Variants in DST observed in about 807,000 individuals in gnomAD.
The protein encoded by DST is bullous pemphigoid antigen.
Under a neutral mutation model 875.2 loss-of-function variants are expected in DST, and 253 were observed. The ratio of observed to expected loss-of-function variants is 0.29; its 90% CI spans 0.26 to 0.32. The LOEUF (loss-of-function observed/expected upper bound fraction) is 0.32. Among genes scored for constraint, DST ranks in the 10% least tolerant of loss-of-function variants. The pLI is 1.00. For missense variants in DST, 8,287 were observed against 9,111.6 expected (o/e 0.91, Z 3.68); for synonymous variants, 3,124 against 3,197.1 (o/e 0.98, Z 0.77).
chr6:56,953,475 C>T (rs1009369287), intron 2 of DST, among the ~76,000 whole-genome samples: 6 of 152,232 alleles, frequency 3.9e-5, no homozygotes, highest in Admixed American at 6.5e-5. Context: ...GAAAACACTT[C>T]CACCAGCAAA....
intron 15 of DST, among the ~76,000 whole-genome samples, chr6:56,644,381 T>A (rs2152785711): frequency 6.6e-6 from 1 of 152,316 alleles, no homozygotes; most frequent in East Asian, 1.9e-4. Context: ...CTCTCATATA[T>A]TTATTTTATG....
intron 4 of DST, among the ~76,000 whole-genome samples, chr6:56,777,293 A>C (rs1223931424): frequency 6.6e-6 from 1 of 152,136 alleles, no homozygotes; most frequent in Non-Finnish European, 1.5e-5. Flanking sequence ...AATAAGTTAG[A>C]TAGAAGGATA....
chr6:56,501,299 A>G (rs2096113873), intron 79 of DST, 64 bp from the exon 80 acceptor site: 1 of 1,472,386 alleles, frequency 6.8e-7, no homozygotes, highest in Non-Finnish European at 9.1e-7. Flanking sequence ...ATGTCTATAA[A>G]ACAAGGACAA....
chr6:56,609,186 C>T lies in DST; in HGVS notation c.5442G>A (p.Lys1814=), dbSNP rs751861592. The part of the protein sequence containing the change: ...ISGLISPELR[K]CFDLKDAKSH... ...TTTTGGCATCTTTAAGGTCAAAGCA[C>T]TTTCTTAATTCTGGTGAAATTAGAC... The change falls in exon 40 of 104, where the codon AAG becomes AAA. Residue 1814 remains lysine, a synonymous_variant. Transcript: ENST00000680361. The T allele has an allele frequency of 1.9e-6, 3 of 1,613,822 alleles. No homozygotes were observed. In the South Asian group the frequency reaches 3.3e-5, roughly 18 times the overall value.
chr6:56,677,219 C>T (rs887817816), intron 9 of DST, among the ~76,000 whole-genome samples: 18 of 152,104 alleles, frequency 1.2e-4, no homozygotes, highest in African/African-American at 4.3e-4. Context: ...CTTATCACAG[C>T]GCCGCCACAT....
intron 5 of DST, among the ~76,000 whole-genome samples, chr6:56,715,942 G>A (rs1399863834): frequency 6.6e-6 from 1 of 152,016 alleles, no homozygotes; most frequent in Admixed American, 6.6e-5. Context: ...TAACCATCTG[G>A]CCCTTCTTTG....
At chr6:56,672,937 G>A (rs1369568887) in intron 9 of DST, among the ~76,000 whole-genome samples, 7 of 152,144 alleles carry the variant, frequency 4.6e-5, no homozygotes, top group Admixed American at 3.9e-4. Flanking sequence ...ACGGTTCAGA[G>A]AAGCTAATCT....
In DST at chr6:56,822,803, ATTTAT is replaced by A. The variant is rs1164990671; in HGVS notation, c.625+28589_625+28593del. 1.1e-4 allele frequency among the ~76,000 whole-genome samples: 16 copies of A among 151,338 alleles called. No individual in the cohort carries two copies. In the East Asian group the frequency reaches 3.1e-3, roughly 29 times the overall value. ...ACTTTAAAAAAAAAGCTACACTATT[ATTTAT>A]TTATTTTTATTTTATTTTATTTATT... is the stretch of plus-strand genomic sequence containing the variant. On this transcript the variant is annotated intron_variant, in intron 4 of 103. Coordinates refer to ENST00000680361, the MANE Select transcript of DST (RefSeq NM_001374736.1).
intron 2 of DST, among the ~76,000 whole-genome samples, chr6:56,945,434 G>A (rs530697692): frequency 1.3e-5 from 2 of 152,180 alleles, no homozygotes; most frequent in African/African-American, 4.8e-5. Context: ...AGGGGTTTGG[G>A]GACTGGATGT....
chr6:56,526,337 A>C, intron 69 of DST, 24 bp downstream of exon 69: 3 of 1,611,444 alleles, frequency 1.9e-6, no homozygotes, highest in Non-Finnish European at 1.7e-6. Context: ...TTTATTGCCT[A>C]AACAACAAAC....
At chr6:56,689,253 T>C (rs2099210794) in intron 9 of DST, among the ~76,000 whole-genome samples, 1 of 152,102 alleles carries the variant, frequency 6.6e-6, no homozygotes, top group South Asian at 2.1e-4. Context: ...TATCCTCCTT[T>C]TATAGAAAAT....
chr6:56,487,419 T>G, intron 86 of DST, 146 bp from the exon 87 acceptor site: 1 of 698,270 alleles, frequency 1.4e-6, no homozygotes. Context: ...TTTTTTGACT[T>G]TACCATGGTA....
In DST at chr6:56,472,134, G is replaced by T; in HGVS notation, c.22083C>A (p.Ser7361Arg). 1 of 1,613,906 alleles carries T rather than the reference G, an allele frequency of 6.2e-7. No individual in the cohort carries two copies. The change falls in exon 94 of 104, where the codon AGC (serine) becomes AGA (arginine). Residue 7361 changes from serine (S) to arginine (R), a missense_variant. Ser to Arg is a moderately radical substitution (Grantham distance 110). Transcript: ENST00000680361. The part of the protein sequence containing the change: ...TKNPRVNLLV[S>R]KWQQVWLLAL... ...CCAGGAGCCAGACTTGCTGCCATTT[G>T]CTCACCAGTAAGTTTACCCTAGGAT...
At position 56,538,319 on chromosome 6, in the gene DST, G is replaced by T. The variant is rs77228588; in HGVS notation, c.16609-1379C>A. On this transcript the variant is annotated intron_variant, in intron 61 of 103. Coordinates refer to ENST00000680361, the MANE Select transcript of DST (RefSeq NM_001374736.1). ...TATGTTTTTAATATAGGGCTTGGAGGATGCCATGAGGAAAATAAATTATTG... is the reference window on the plus strand; with the variant it reads ...TATGTTTTTAATATAGGGCTTGGAGTATGCCATGAGGAAAATAAATTATTG... Among the ~76,000 whole-genome samples, 1,273 of 152,232 alleles carry T rather than the reference G, an allele frequency of 8.4e-3. 20 individuals are homozygous for T. The highest frequency in any genetic ancestry group is 0.028 in the African/African-American group (1,167 of 41,540).
At chr6:56,750,574 T>C (rs575206220) in intron 4 of DST, among the ~76,000 whole-genome samples, 1 of 152,194 alleles carries the variant, frequency 6.6e-6, no homozygotes, top group East Asian at 1.9e-4. Flanking sequence ...AGTCACCTTC[T>C]AGTCCCTAAG....
intron 4 of DST, 100 bp downstream of exon 4, chr6:56,851,297 G>T: frequency 2.8e-6 from 3 of 1,078,658 alleles, no homozygotes; most frequent in Non-Finnish European, 2.7e-6. Flanking sequence ...ACAGATTCCT[G>T]CCCAGTGCAT....
At chr6:56,601,777 G>A in intron 43 of DST, 101 bp from the exon 44 acceptor site, 1 of 717,542 alleles carries the variant, frequency 1.4e-6, no homozygotes. Flanking sequence ...TCTCACATCA[G>A]GGAATGGAAG....
chr6:56,868,888 A>G (rs1054763215), intron 3 of DST, among the ~76,000 whole-genome samples: 2 of 152,244 alleles, frequency 1.3e-5, no homozygotes, highest in African/African-American at 4.8e-5. Flanking sequence ...TCAATACCCT[A>G]TGTAAACATG....
At chr6:56,747,826 A>C (rs2099577069) in intron 4 of DST, among the ~76,000 whole-genome samples, 1 of 152,220 alleles carries the variant, frequency 6.6e-6, no homozygotes, top group Non-Finnish European at 1.5e-5. Context: ...GAAGACCTTA[A>C]GTAATTTGGT....
Sources: allele counts gnomAD v4.1 joint callset (sites outside exome capture counted in the v4.1 genomes callset), GRCh38; gene constraint gnomAD v4.1.1; transcripts MANE v1.5; gene names NCBI Gene and HGNC (gene_info 2026-07-23, HGNC 2026-07-21).